The following LHX8 variants were observed in gnomAD, a reference collection of about 807,000 sequenced individuals.
The protein encoded by LHX8 is LIM homeobox 8, also known as LIM/homeobox protein Lhx8.
Under a neutral mutation model 40.3 loss-of-function variants are expected in LHX8, and 12 were observed. The ratio of observed to expected loss-of-function variants is 0.30; its 90% confidence interval spans 0.19 to 0.48. The LOEUF (loss-of-function observed/expected upper bound fraction) is 0.48. Ranked by LOEUF, LHX8 falls within the 20% of genes least tolerant of loss-of-function variation. The pLI is 0.99. For synonymous variants in LHX8, 179 were observed against 162.0 expected (o/e 1.10, Z -0.80); for missense variants, 344 against 433.7 (o/e 0.79, Z 1.84).
upstream of LHX8, chr1:75,130,535 G>A (rs1647934850): frequency 2.4e-5 from 17 of 705,804 alleles, no homozygotes; most frequent in Non-Finnish European, 4.2e-5. Context: ...CCCACAGTGG[G>A]AGAGAGACCA....
chr1:75,167,881 G>A, the LHX8 span, among the ~76,000 whole-genome samples: 1 of 152,086 alleles, frequency 6.6e-6, no homozygotes, highest in Non-Finnish European at 1.5e-5. Flanking sequence ...TGTTCTCTTC[G>A]ACTAAGCAAA....
intron 6 of LHX8, among the ~76,000 whole-genome samples, chr1:75,146,433 T>G (rs1416414177): frequency 6.6e-6 from 1 of 152,210 alleles, no homozygotes; most frequent in East Asian, 1.9e-4. Flanking sequence ...TATTATGGAT[T>G]GCTTATTCTA....
chr1:75,145,186 T>C (rs2100343666), intron 6 of LHX8, among the ~76,000 whole-genome samples: 1 of 152,296 alleles, frequency 6.6e-6, no homozygotes, highest in African/African-American at 2.4e-5. Flanking sequence ...TGAGCCTTGC[T>C]TTCTGGGTTC....
the LHX8 span, among the ~76,000 whole-genome samples, chr1:75,192,683 C>T: frequency 4.1e-5 from 6 of 147,776 alleles, no homozygotes; most frequent in East Asian, 1.2e-3. Context: ...TGTCCAGGCG[C>T]TATGCTTTTG....
chr1:75,155,259 G>C (rs996051574), intron 7 of LHX8, among the ~76,000 whole-genome samples: 15 of 132,354 alleles, frequency 1.1e-4, no homozygotes, highest in Non-Finnish European at 2.2e-4. Flanking sequence ...TTTTGAGACG[G>C]AGTCTCGCTC....
At chr1:75,150,681 CTT>C (rs35282262) in intron 7 of LHX8, among the ~76,000 whole-genome samples, 15 of 135,118 alleles carry the variant, frequency 1.1e-4, no homozygotes, top group Admixed American at 2.2e-4. Flanking sequence ...AATTTTATTT[CTT>C]TTTTTTTTTT....
the LHX8 span, among the ~76,000 whole-genome samples, chr1:75,192,152 A>G: frequency 6.6e-6 from 1 of 152,210 alleles, no homozygotes; most frequent in Non-Finnish European, 1.5e-5. Flanking sequence ...GACATCTGGA[A>G]CAGTGAGTGG....
intron 4 of LHX8, among the ~76,000 whole-genome samples, 169 bp from the exon 5 acceptor site, chr1:75,142,949 C>T (rs1222830284): frequency 6.6e-6 from 1 of 152,068 alleles, no homozygotes; most frequent in Non-Finnish European, 1.5e-5. Context: ...ATCTTGATTT[C>T]TTATTATATT....
At chr1:75,139,846 C>T (rs1017168723) in intron 3 of LHX8, among the ~76,000 whole-genome samples, 2 of 152,070 alleles carry the variant, frequency 1.3e-5, no homozygotes, top group East Asian at 1.9e-4. Flanking sequence ...CATGTTGGAC[C>T]GTAGTTCTAA....
At chr1:75,136,970 C>T (rs1335182159) in intron 2 of LHX8, 130 bp from the exon 3 acceptor site, 2 of 1,030,588 alleles carry the variant, frequency 1.9e-6, no homozygotes, top group Non-Finnish European at 2.6e-6. Flanking sequence ...ATCGTGACCT[C>T]AAGAAGCTGG....
chr1:75,171,148 T>G, the LHX8 span, among the ~76,000 whole-genome samples: 1 of 152,124 alleles, frequency 6.6e-6, no homozygotes, highest in Non-Finnish European at 1.5e-5. Flanking sequence ...GGTCAAAAAG[T>G]TAGAATAATT....
chr1:75,132,681 G>A (rs1648003807), upstream of LHX8: 1 of 151,690 alleles, frequency 6.6e-6, no homozygotes, highest in South Asian at 2.1e-4. Flanking sequence ...AGCTCTCTCT[G>A]GATCTCCAAA....
the LHX8 span, among the ~76,000 whole-genome samples, chr1:75,170,192 A>G: frequency 6.6e-6 from 1 of 152,218 alleles, no homozygotes; most frequent in Non-Finnish European, 1.5e-5. Context: ...ACTATCGAGT[A>G]CAAGAACCTG....
downstream of LHX8, among the ~76,000 whole-genome samples, chr1:75,165,977 A>G (rs911853278): frequency 2.0e-5 from 3 of 152,158 alleles, no homozygotes; most frequent in Admixed American, 6.5e-5. Context: ...TCAACAGTAA[A>G]AGGAAAGTTT....
intron 8 of LHX8, 101 bp from the exon 9 acceptor site, chr1:75,160,718 A>T: frequency 1.2e-6 from 1 of 813,720 alleles, no homozygotes; most frequent in South Asian, 1.3e-5. Flanking sequence ...CCTCAGCTAT[A>T]ATGAGTGATG....
At chr1:75,183,077 G>A in the LHX8 span, 7 of 152,012 alleles carry the variant, frequency 4.6e-5, no homozygotes, top group Non-Finnish European at 4.4e-5. Flanking sequence ...TACTAAAATT[G>A]GAATGATACA....
upstream of LHX8, chr1:75,130,581 C>A (rs1286504147): frequency 1.2e-6 from 1 of 849,506 alleles, no homozygotes; most frequent in Admixed American, 1.7e-5. Flanking sequence ...CCGCTTTTGG[C>A]GACCTCCACT....
upstream of LHX8, chr1:75,132,897 A>T (rs1420817834): frequency 6.6e-6 from 1 of 152,180 alleles, no homozygotes. Context: ...CTGACTTTCC[A>T]TTCGGAAGAG....
chr1:75,172,010 T>C, the LHX8 span, among the ~76,000 whole-genome samples: 4 of 152,286 alleles, frequency 2.6e-5, no homozygotes, highest in East Asian at 3.9e-4. Context: ...GGTAGAATAA[T>C]AGCAAAGAGA....
Sources: gnomAD v4.1 joint callset for allele counts (sites outside exome capture counted in the v4.1 genomes callset) on GRCh38, gnomAD v4.1.1 for gene constraint, MANE v1.5 for transcripts, NCBI Gene and HGNC (gene_info 2026-07-23, HGNC 2026-07-21) for gene names.